HYDIN: variants seen among roughly 807,000 people sequenced by gnomAD.
HYDIN encodes the protein axonemal central pair apparatus protein HYDIN.
A neutral mutation model predicts 403.9 loss-of-function variants in HYDIN; 132 were observed. That is an observed-to-expected ratio of 0.33 (90% CI 0.28 to 0.38). The LOEUF (loss-of-function observed/expected upper bound fraction) is 0.38. Among genes scored for constraint, HYDIN ranks in the 10% least tolerant of loss-of-function variants. HYDIN has a pLI of 1.00. For synonymous variants in HYDIN, 1,202 were observed against 1,891.7 expected, an observed-to-expected ratio of 0.64 and a Z score of 9.46; for missense variants, 2,827 against 5,009.5, an observed-to-expected ratio of 0.56 and a Z score of 13.15.
chr16:71,171,023 C>A (rs1387786020), intron 5 of HYDIN, among the ~76,000 whole-genome samples: 1 of 152,142 alleles, frequency 6.6e-6, no homozygotes, highest in Non-Finnish European at 1.5e-5. Context: ...TTTATGGTGG[C>A]TTCCTATCCC....
At chr16:70,904,895 T>C (rs895090186) in intron 50 of HYDIN, among the ~76,000 whole-genome samples, 1 of 151,764 alleles carries the variant, frequency 6.6e-6, no homozygotes, top group African/African-American at 2.4e-5. Context: ...TGTTCTGACA[T>C]GAATTCATTT....
At chr16:71,019,648 G>A (rs1380936474) in intron 22 of HYDIN, among the ~76,000 whole-genome samples, 2 of 152,096 alleles carry the variant, frequency 1.3e-5, no homozygotes, top group Admixed American at 6.5e-5. Flanking sequence ...TGACATTATT[G>A]TTTTGTAGAA....
chr16:71,193,908 A>G (rs2087562628), intron 1 of HYDIN, among the ~76,000 whole-genome samples: 1 of 152,182 alleles, frequency 6.6e-6, no homozygotes, highest in South Asian at 2.1e-4. Flanking sequence ...AAAGCCAGCA[A>G]AAATTTTTTT....
chr16:71,186,142 C>G (rs1462750042), intron 2 of HYDIN, among the ~76,000 whole-genome samples: 1 of 152,058 alleles, frequency 6.6e-6, no homozygotes, highest in African/African-American at 2.4e-5. Flanking sequence ...TTTTATTTCT[C>G]TAATTGGAAT....
intron 47 of HYDIN, among the ~76,000 whole-genome samples, chr16:70,917,117 T>G (rs1001760592): frequency 3.9e-5 from 6 of 152,076 alleles, no homozygotes; most frequent in Admixed American, 3.9e-4. Context: ...GAGATGGGGT[T>G]TCACCATATT....
intron 1 of HYDIN, among the ~76,000 whole-genome samples, chr16:71,196,744 C>T (rs1411589201): frequency 2.0e-5 from 3 of 152,072 alleles, no homozygotes; most frequent in Non-Finnish European, 4.4e-5. Flanking sequence ...GTAAATAAAG[C>T]CAGCTAAAAC....
At chr16:71,138,833 C>T (rs10852496) in intron 7 of HYDIN, among the ~76,000 whole-genome samples, 4 of 152,082 alleles carry the variant, frequency 2.6e-5, no homozygotes, top group African/African-American at 9.7e-5. Context: ...CATGTAATCC[C>T]AGCACTTCGG....
At chr16:71,022,530 T>A (rs559342551) in intron 21 of HYDIN, among the ~76,000 whole-genome samples, 1 of 152,208 alleles carries the variant, frequency 6.6e-6, no homozygotes, top group South Asian at 2.1e-4. Context: ...ATGTACCAAA[T>A]CAGATCCACT....
intron 45 of HYDIN, among the ~76,000 whole-genome samples, chr16:70,930,789 C>G (rs2077296560): frequency 6.6e-6 from 1 of 152,142 alleles, no homozygotes; most frequent in African/African-American, 2.4e-5. Context: ...GCTTAATTGT[C>G]TGTTAAACCT....
chr16:70,842,979 C>G (rs1307921471), intron 75 of HYDIN, among the ~76,000 whole-genome samples: 1 of 151,608 alleles, frequency 6.6e-6, no homozygotes. Flanking sequence ...TTAAAACAAT[C>G]TAGTTTGAGT....
chr16:71,081,105 G>A (rs195632), intron 12 of HYDIN: 3 of 151,918 alleles, frequency 2.0e-5, no homozygotes, highest in Admixed American at 6.6e-5. Flanking sequence ...TGTGTTGTTT[G>A]AAGCTACTAA....
intron 62 of HYDIN, among the ~76,000 whole-genome samples, chr16:70,876,094 C>T (rs2040431614): frequency 6.6e-6 from 1 of 151,628 alleles, no homozygotes; most frequent in Non-Finnish European, 1.5e-5. Context: ...TATAGAAATC[C>T]AGCAAGGTCA....
intron 9 of HYDIN, among the ~76,000 whole-genome samples, chr16:71,118,087 G>A (rs2084113052): frequency 6.6e-6 from 1 of 151,968 alleles, no homozygotes; most frequent in East Asian, 1.9e-4. Flanking sequence ...ACCCCCTCTG[G>A]GCTGTATTTA....
At chr16:70,944,239 G>T (rs1024707319) in intron 41 of HYDIN, among the ~76,000 whole-genome samples, 1 of 152,186 alleles carries the variant, frequency 6.6e-6, no homozygotes, top group African/African-American at 2.4e-5. Context: ...GCATGCTTAG[G>T]TACTAGGGAT....
At chr16:70,928,611 G>T (rs2077226376) in intron 45 of HYDIN, among the ~76,000 whole-genome samples, 1 of 141,446 alleles carries the variant, frequency 7.1e-6, no homozygotes, top group African/African-American at 2.5e-5. Context: ...ACACTATTTA[G>T]TCAAGTGATT....
chr16:71,068,512 A>G (rs554115031), intron 14 of HYDIN, among the ~76,000 whole-genome samples: 1 of 151,522 alleles, frequency 6.6e-6, no homozygotes, highest in South Asian at 2.1e-4. Flanking sequence ...CTGTGGCTAG[A>G]AGGAAGAACA....
At chr16:71,188,475 G>A (rs1430972350) in intron 1 of HYDIN, among the ~76,000 whole-genome samples, 2 of 152,144 alleles carry the variant, frequency 1.3e-5, no homozygotes, top group African/African-American at 4.8e-5. Flanking sequence ...AGCAAAGATT[G>A]TGGTCTTGAT....
intron 45 of HYDIN, among the ~76,000 whole-genome samples, chr16:70,923,647 CAAAA>C (rs57860871): frequency 1.0e-4 from 7 of 69,294 alleles, no homozygotes; most frequent in African/African-American, 3.2e-4. Context: ...CTAAAAAATA[CAAAA>C]AAAAAAAAAA....
chr16:71,082,456 T>G lies in HYDIN; in HGVS notation c.1671-2504A>C, dbSNP rs1372062799. On this transcript the variant is annotated intron_variant, in intron 12 of 85. Transcript: ENST00000393567. Reference sequence around the variant, plus strand: ...TTCTCTTAGCAATTGATCATGAGTTTGGTGATAAATCCCCATAAAGATTCT... The same window carrying G: ...TTCTCTTAGCAATTGATCATGAGTTGGGTGATAAATCCCCATAAAGATTCT... Among the ~76,000 whole-genome samples the G allele has an allele frequency of 4.0e-5, 6 of 151,710 alleles. No individual in the cohort carries two copies. In the East Asian group the frequency reaches 1.2e-3, roughly 30 times the overall value.
Sources: allele counts gnomAD v4.1 joint callset (sites outside exome capture counted in the v4.1 genomes callset), GRCh38; gene constraint gnomAD v4.1.1; transcripts MANE v1.5; gene names NCBI Gene and HGNC (gene_info 2026-07-23, HGNC 2026-07-21).